The following LARP4 variants were observed in gnomAD, a reference collection of about 807,000 sequenced individuals.
The protein encoded by LARP4 is La ribonucleoprotein 4, also known as la-related protein 4.
In LARP4, 29 loss-of-function variants were observed where a neutral mutation model predicts 92.9. The observed-to-expected ratio is 0.31, with a 90% CI of 0.23 to 0.43. The LOEUF is 0.43. LARP4 is among the 20% of genes least tolerant of loss of function. LARP4 has a pLI of 1.00. For missense variants in LARP4, 732 were observed against 860.0 expected (o/e 0.85, Z 1.86); for synonymous variants, 279 against 284.1 (o/e 0.98, Z 0.18).
At position 50,461,141 on chromosome 12, in the gene LARP4, G is replaced by A; in HGVS notation, c.1128G>A (p.Lys376=). The A allele has an allele frequency of 6.2e-7, 1 of 1,612,600 alleles. No individual in the cohort carries two copies. Residue 376 remains lysine, a synonymous_variant, in exon 11 of 16, where the codon AAG becomes AAA. Coordinates refer to ENST00000398473, the MANE Select transcript of LARP4 (RefSeq NM_052879.5). ...MGRPFQKNRV[K]PQFRSSGGSE... ...CATTTTGTATTTCCTATAGTGTGAA[G>A]CCTCAGTTTAGGTCATCTGGTGGTT...
intron 1 of LARP4, among the ~76,000 whole-genome samples, chr12:50,411,258 T>C (rs1945838388): frequency 6.6e-6 from 1 of 151,824 alleles, no homozygotes; most frequent in African/African-American, 2.4e-5. Context: ...CAATCTTGGC[T>C]CACTGCAACC....
At chr12:50,447,553 A>AT (rs916040881) in intron 8 of LARP4, among the ~76,000 whole-genome samples, 5 of 151,910 alleles carry the variant, frequency 3.3e-5, no homozygotes, top group Admixed American at 6.6e-5. Flanking sequence ...CCATTATCCA[A>AT]TTTTTTCCCC....
intron 10 of LARP4, among the ~76,000 whole-genome samples, chr12:50,457,382 A>AT (rs1338104838): frequency 6.7e-6 from 1 of 148,412 alleles, no homozygotes; most frequent in East Asian, 2.0e-4. Flanking sequence ...AATTTTTTGT[A>AT]TTTTAGTAGA....
At chr12:50,421,708 A>C (rs1947834453) in intron 1 of LARP4, among the ~76,000 whole-genome samples, 2 of 152,014 alleles carry the variant, frequency 1.3e-5, no homozygotes, top group Middle Eastern at 6.8e-3. Context: ...AAGTGGGGAG[A>C]ACACCAATCT....
intron 6 of LARP4, 144 bp from the exon 7 acceptor site, chr12:50,440,295 C>T: frequency 1.6e-6 from 1 of 626,576 alleles, no homozygotes. Context: ...AGCCCATCCT[C>T]AGTGGAAAAA....
At chr12:50,401,251 G>A in intron 1 of LARP4, 1 of 604,864 alleles carries the variant, frequency 1.7e-6, no homozygotes, top group East Asian at 2.8e-5. Flanking sequence ...AGAATTGAAG[G>A]AGAAAAACGG....
At chr12:50,467,857 GT>G (rs11401894) in intron 13 of LARP4, among the ~76,000 whole-genome samples, 2 of 147,020 alleles carry the variant, frequency 1.4e-5, no homozygotes, top group African/African-American at 5.1e-5. Context: ...TTCTAATTCA[GT>G]TTTTTTTTTA....
intron 1 of LARP4, among the ~76,000 whole-genome samples, chr12:50,404,688 T>G (rs1005404272): frequency 6.9e-6 from 1 of 144,218 alleles, no homozygotes; most frequent in Non-Finnish European, 1.5e-5. Context: ...GCAGTTTTTT[T>G]TTTTTTTTTT....
intron 1 of LARP4, among the ~76,000 whole-genome samples, chr12:50,408,261 G>A (rs1424834245): frequency 8.0e-6 from 1 of 124,924 alleles, no homozygotes; most frequent in East Asian, 2.6e-4. Flanking sequence ...GCAATGGTGT[G>A]ATCTCAGCTC....
intron 1 of LARP4, among the ~76,000 whole-genome samples, chr12:50,421,107 G>A (rs978262441): frequency 9.5e-5 from 12 of 126,144 alleles, no homozygotes; most frequent in African/African-American, 3.3e-4. Context: ...ATGCCACCAC[G>A]TCCAGCTAAT....
Position 50,475,630 on chromosome 12 carries a change from T to G in LARP4, c.1941T>G (p.Ser647=). The change falls in exon 16 of 16, where the codon TCT becomes TCG. Residue 647 remains serine (S), a synonymous_variant. Transcript: ENST00000398473. The part of the protein sequence containing the change: ...PLRELRSNVV[S]PTKNEDNGAP... ...GGGAACTTCGCTCCAATGTGGTGTC[T>G]CCCACCAAAAATGAAGACAATGGAG... The G allele has an allele frequency of 1.9e-6, 3 of 1,614,114 alleles. No homozygotes were observed. The highest frequency in any genetic ancestry group is 3.3e-4 in the Middle Eastern group (2 of 6,062).
intron 1 of LARP4, among the ~76,000 whole-genome samples, chr12:50,404,947 C>G (rs1944527116): frequency 6.6e-6 from 1 of 151,844 alleles, no homozygotes; most frequent in Non-Finnish European, 1.5e-5. Context: ...CTCGGGCTCC[C>G]AAAGTGTTGG....
At chr12:50,413,684 A>G (rs995541005) in intron 1 of LARP4, among the ~76,000 whole-genome samples, 6 of 152,204 alleles carry the variant, frequency 3.9e-5, no homozygotes, top group Admixed American at 6.6e-5. Flanking sequence ...AATGTCATTA[A>G]TGCAGCACAT....
chr12:50,417,970 C>T (rs1236848369), intron 1 of LARP4, among the ~76,000 whole-genome samples: 1 of 152,220 alleles, frequency 6.6e-6, no homozygotes, highest in Non-Finnish European at 1.5e-5. Context: ...AAGCGATTCG[C>T]CTGCCTCAGC....
intron 12 of LARP4, 56 bp downstream of exon 12, chr12:50,462,686 C>T: frequency 8.6e-7 from 1 of 1,156,338 alleles, no homozygotes; most frequent in East Asian, 2.4e-5. Context: ...TTTACTATGG[C>T]ATTGACTTTC....
chr12:50,471,521 A>G (rs1314734552), intron 13 of LARP4, among the ~76,000 whole-genome samples: 1 of 152,158 alleles, frequency 6.6e-6, no homozygotes, highest in Non-Finnish European at 1.5e-5. Flanking sequence ...TTAAAGTTTT[A>G]AAGTCTTTCG....
intron 4 of LARP4, among the ~76,000 whole-genome samples, chr12:50,434,973 G>A (rs905292308): frequency 5.9e-5 from 9 of 152,144 alleles, no homozygotes; most frequent in South Asian, 2.1e-4. Context: ...ACTTGAACCC[G>A]GAAGGCAGAG....
chr12:50,411,351 A>G (rs1480768346), intron 1 of LARP4, among the ~76,000 whole-genome samples: 2 of 151,712 alleles, frequency 1.3e-5, no homozygotes, highest in Non-Finnish European at 2.9e-5. Flanking sequence ...ATTTTTAAAA[A>G]TTTTTATTTA....
chr12:50,410,934 A>C (rs570333913), intron 1 of LARP4, among the ~76,000 whole-genome samples: 1 of 152,166 alleles, frequency 6.6e-6, no homozygotes, highest in Non-Finnish European at 1.5e-5. Flanking sequence ...CTAGAGTACC[A>C]GCAATAATAC....
Sources: gnomAD v4.1 joint callset for allele counts (sites outside exome capture counted in the v4.1 genomes callset) on GRCh38, gnomAD v4.1.1 for gene constraint, MANE v1.5 for transcripts, NCBI Gene and HGNC (gene_info 2026-07-23, HGNC 2026-07-21) for gene names.